The following GMEB2 variants were observed in gnomAD, a reference collection of about 807,000 sequenced individuals.
GMEB2 encodes the protein glucocorticoid modulatory element-binding protein 2.
GMEB2 carries 7 observed loss-of-function variants against 45.7 expected under a neutral mutation model. The ratio of observed to expected loss-of-function variants is 0.15; its 90% CI spans 0.09 to 0.29. The LOEUF is 0.29. GMEB2 is among the 10% of genes least tolerant of loss of function. GMEB2 has a pLI of 1.00. For missense variants in GMEB2, 582 were observed against 739.2 expected (o/e 0.79, Z 2.47); for synonymous variants, 322 against 323.6 (o/e 1.00, Z 0.05).
chr20:63,613,067 T>C (rs2089582674), intron 2 of GMEB2, among the ~76,000 whole-genome samples: 1 of 152,038 alleles, frequency 6.6e-6, no homozygotes, highest in East Asian at 1.9e-4. Context: ...ATTCACGCCA[T>C]TCCCCTGCCT....
rs1196324645 is a variant in GMEB2 at position 63,592,337 on chromosome 20, C to T, written c.830-193G>A. ...AACCCAGCCAGCCAGGAGCTCAGTT[C>T]AGAGGGAGAAGACTGAGATACATCA... On this transcript the variant is annotated intron_variant, in intron 8 of 9. Coordinates refer to ENST00000370077, the MANE Select transcript of GMEB2 (RefSeq NM_012384.5). This position sits in a 1 kb window ranked among gnomAD's most constrained non-coding sequence, Gnocchi z 8.2. 2.6e-5 allele frequency among the ~76,000 whole-genome samples: 4 copies of T among 152,132 alleles called. No homozygotes were observed. Among genetic ancestry groups the T allele is most frequent in the Admixed American group, 1.3e-4 (2 of 15,272 alleles).
intron 1 of GMEB2, among the ~76,000 whole-genome samples, chr20:63,622,265 G>A (rs1183299854): frequency 1.3e-5 from 2 of 152,218 alleles, no homozygotes; most frequent in East Asian, 1.9e-4. Flanking sequence ...GGACAGGAGT[G>A]GGTCCACCCC....
rs747793434 is a variant in GMEB2 at position 63,603,106 on chromosome 20, C to A, written c.230-14G>T. The A allele has an allele frequency of 1.1e-5, 18 of 1,613,590 alleles. No homozygotes were observed. The highest frequency in any genetic ancestry group is 1.7e-5 in the Admixed American group (1 of 59,954). On this transcript the variant is annotated splice_polypyrimidine_tract_variant and intron_variant, in intron 3 of 9. Transcript: ENST00000370077. Reference sequence around the variant, plus strand: ...CAGCCATCTTCACTTCTCACAGGCACATTGACAGGGAAGGGTAAAAGCAGA... The same window carrying A: ...CAGCCATCTTCACTTCTCACAGGCAAATTGACAGGGAAGGGTAAAAGCAGA...
At chr20:63,613,955 G>A (rs2089588873) in intron 2 of GMEB2, among the ~76,000 whole-genome samples, 2 of 152,142 alleles carry the variant, frequency 1.3e-5, no homozygotes, top group Non-Finnish European at 2.9e-5. Flanking sequence ...GGTCTGGACA[G>A]GAGGGGGAGG....
At chr20:63,606,770 G>A (rs2089522681) in intron 2 of GMEB2, among the ~76,000 whole-genome samples, 1 of 152,208 alleles carries the variant, frequency 6.6e-6, no homozygotes, top group South Asian at 2.1e-4. Context: ...CCAGACCAAT[G>A]TCACAACACA....
intron 2 of GMEB2, among the ~76,000 whole-genome samples, chr20:63,605,256 G>A (rs2089509824): frequency 6.6e-6 from 1 of 151,816 alleles, no homozygotes; most frequent in Admixed American, 6.6e-5. Flanking sequence ...AAAAAGGCCA[G>A]GTGCGGTGGC....
rs1472829634 is a variant in GMEB2 at position 63,622,245 on chromosome 20, G to T, written c.-57-2791C>A. 2.6e-5 allele frequency among the ~76,000 whole-genome samples: 4 copies of T among 152,186 alleles called. No individual in the cohort carries two copies. The East Asian group carries it at 5.8e-4, about 22-fold the overall frequency. On this transcript the variant is annotated intron_variant, in intron 1 of 9. Transcript: ENST00000370077. ...CTGCCCCTAGGACTGTAACAAACAA[G>T]TGTGTCTAAGGACAGGAGTGGGTCC...
intron 2 of GMEB2, among the ~76,000 whole-genome samples, chr20:63,614,892 C>T (rs1348877518): frequency 6.6e-6 from 1 of 152,204 alleles, no homozygotes; most frequent in Non-Finnish European, 1.5e-5. Flanking sequence ...ACACTCCTTA[C>T]CCTGCCGCTT....
At chr20:63,616,711 C>G (rs1160222630) in intron 2 of GMEB2, among the ~76,000 whole-genome samples, 1 of 152,174 alleles carries the variant, frequency 6.6e-6, no homozygotes, top group African/African-American at 2.4e-5. Flanking sequence ...AGGAGGGCAA[C>G]CAAAAGATGT....
Position 63,592,095 on chromosome 20 carries a change from C to T in GMEB2, c.879G>A (p.Leu293=). ...NIVQNFGMLD[L]VKKVLASHKC... Reference sequence around the variant, plus strand: ...TGTGGCTGGCCAGCACCTTCTTCACCAGGTCCAGCATGCCGAAGTTCTGCA... The same window carrying T: ...TGTGGCTGGCCAGCACCTTCTTCACTAGGTCCAGCATGCCGAAGTTCTGCA... The change falls in exon 9 of 10, where the codon CTG becomes CTA. Residue 293 remains leucine, a synonymous_variant. Transcript: ENST00000370077. This position sits in a 1 kb window ranked among gnomAD's most constrained non-coding sequence, Gnocchi z 8.2. The T allele has an allele frequency of 6.2e-6, 10 of 1,613,594 alleles. No individual in the cohort carries two copies. The highest frequency in any genetic ancestry group is 2.2e-5 in the East Asian group (1 of 44,888).
In GMEB2 at chr20:63,611,277, C is replaced by CA. The variant is rs547637851; in HGVS notation, c.132-6438dup. Among the ~76,000 whole-genome samples, 176 of 152,346 alleles carry CA rather than the reference C, an allele frequency of 1.2e-3. 1 individual carries two copies. The highest frequency in any genetic ancestry group is 4.2e-3 in the African/African-American group (173 of 41,592). The stretch of plus-strand genomic sequence containing the variant: ...TGGAAGGGGCCACTGTGCCATGAGG[C>CA]AGAGGAAACCTTGGCAGGACCTTAT... On this transcript the variant is annotated intron_variant, in intron 2 of 9. Transcript: ENST00000370077.
intron 1 of GMEB2, among the ~76,000 whole-genome samples, chr20:63,625,571 G>A (rs574685414): frequency 2.6e-4 from 39 of 151,436 alleles, no homozygotes; most frequent in African/African-American, 9.2e-4. Context: ...AAATTATTAG[G>A]TAAATCAGAT....
chr20:63,619,261 GC>G lies in GMEB2; in HGVS notation c.131+5del. ...CAGCCCCAATGGCACCGAGGCCCGAGCTTACCCGTGAGGGGCCAAGTTGGTC... is the reference window on the plus strand; with the variant it reads ...CAGCCCCAATGGCACCGAGGCCCGAGTTACCCGTGAGGGGCCAAGTTGGTC... On this transcript the variant is annotated splice_donor_5th_base_variant and intron_variant, in intron 2 of 9. Coordinates refer to ENST00000370077, the MANE Select transcript of GMEB2 (RefSeq NM_012384.5). The surrounding 1 kb of genome is among the most constrained non-coding windows in gnomAD (Gnocchi z 4.6). 1 of 1,607,888 alleles carries G rather than the reference GC, an allele frequency of 6.2e-7. No homozygotes were observed. The highest frequency in any genetic ancestry group is 8.5e-7 in the Non-Finnish European group (1 of 1,178,344).
Position 63,593,850 on chromosome 20 carries a change from C to G in GMEB2, c.620-768G>C, listed in dbSNP as rs960657646. Reference sequence around the variant, plus strand: ...CAGCCTGGGCAACACGGCAAAACCCCGTCTCTACTAAAATACAAAGTCAAC... The same window carrying G: ...CAGCCTGGGCAACACGGCAAAACCCGGTCTCTACTAAAATACAAAGTCAAC... On this transcript the variant is annotated intron_variant, in intron 6 of 9. Transcript: ENST00000370077. The surrounding 1 kb of genome is among the most constrained non-coding windows in gnomAD (Gnocchi z 4.7). Among the ~76,000 whole-genome samples the G allele has an allele frequency of 6.6e-6, 1 of 152,158 alleles. No individual in the cohort carries two copies. The highest frequency in any genetic ancestry group is 2.1e-4 in the South Asian group (1 of 4,832).
chr20:63,626,733 G>A (rs2089676964), intron 1 of GMEB2, among the ~76,000 whole-genome samples: 2 of 149,070 alleles, frequency 1.3e-5, no homozygotes, highest in Non-Finnish European at 3.0e-5. Context: ...CCAAGATGGA[G>A]GCAGGAAGCG....
At position 63,595,626 on chromosome 20, in the gene GMEB2, C is replaced by A; in HGVS notation, c.603G>T (p.Thr201=). The change falls in exon 6 of 10, where the codon ACG becomes ACT. Residue 201 remains threonine (T), a synonymous_variant. Coordinates refer to ENST00000370077, the MANE Select transcript of GMEB2 (RefSeq NM_012384.5). ...TGCACCTACCGTCGGCTGCGGCGGG[C>A]GTGAGGGGAATGTACTCGGCCGACG... ...SPTSAEYIPL[T]PAAADVNGSP... is the part of the protein sequence containing the mutation. The A allele has an allele frequency of 6.2e-7, 1 of 1,609,298 alleles. No homozygotes were observed. Among genetic ancestry groups the A allele is most frequent in the Non-Finnish European group, 8.5e-7 (1 of 1,178,404 alleles).
intron 2 of GMEB2, among the ~76,000 whole-genome samples, chr20:63,618,208 G>A (rs147466712): frequency 6.6e-6 from 1 of 152,200 alleles, no homozygotes; most frequent in Non-Finnish European, 1.5e-5. Flanking sequence ...GAGAATGGAG[G>A]TGTGAACATC....
chr20:63,599,580 G>A (rs445328), intron 4 of GMEB2, among the ~76,000 whole-genome samples: 76,772 of 152,062 alleles, frequency 0.5, 20,497 homozygotes, highest in Middle Eastern at 0.66. Flanking sequence ...CGCTGCTTTC[G>A]GGAGCTCACG....
rs746826706 is a variant in GMEB2 at position 63,589,673 on chromosome 20, G to A, written c.*416C>T. On this transcript the variant is annotated 3_prime_UTR_variant, in exon 10 of 10. Coordinates refer to ENST00000370077, the MANE Select transcript of GMEB2 (RefSeq NM_012384.5). ...GTCCCCAGGGACCTGGCTGGGTGCA[G>A]ACATGGGGGCCTCGTGACCTGCTGC... 15 of 180,800 alleles carry A rather than the reference G, an allele frequency of 8.3e-5. No homozygotes were observed. The highest frequency in any genetic ancestry group is 2.2e-3 in the Middle Eastern group (1 of 462). The allele number at this position is 180,800 out of a possible 1,614,324, so 11.2% of individuals were successfully genotyped here.
Sources: allele counts gnomAD v4.1 joint callset (sites outside exome capture counted in the v4.1 genomes callset), GRCh38; gene constraint gnomAD v4.1.1; non-coding constraint Gnocchi (gnomAD v3.1); transcripts MANE v1.5; gene names NCBI Gene and HGNC (gene_info 2026-07-23, HGNC 2026-07-21).